The following CERS3 variants were observed in gnomAD, a reference collection of about 807,000 sequenced individuals.
CERS3 encodes ceramide synthase 3, also known as LAG1 homolog, ceramide synthase 3.
A neutral mutation model predicts 50.3 loss-of-function variants in CERS3; 33 were observed. That is an observed-to-expected ratio of 0.66 (90% CI 0.50 to 0.88). The LOEUF is 0.88. CERS3 is among the 40% of genes least tolerant of loss of function. The probability of loss-of-function intolerance (pLI) is 0.00; values close to 1 mark genes in which losing one functional copy is unlikely to be tolerated. For synonymous variants in CERS3, 176 were observed against 155.2 expected (o/e 1.13, Z -0.99); for missense variants, 470 against 460.3 (o/e 1.02, Z -0.19).
intron 1 of CERS3, among the ~76,000 whole-genome samples, chr15:100,535,425 T>G (rs1011463288): frequency 6.6e-6 from 1 of 152,200 alleles, no homozygotes; most frequent in Non-Finnish European, 1.5e-5. Flanking sequence ...ATGTCAAGAA[T>G]AAAAATATAG....
chr15:100,483,629 G>C (rs977435982), intron 5 of CERS3, among the ~76,000 whole-genome samples: 1 of 151,832 alleles, frequency 6.6e-6, no homozygotes, highest in Non-Finnish European at 1.5e-5. Context: ...TATCGGAATA[G>C]GAGTCAGAAG....
chr15:100,516,462 G>A (rs773093016), intron 2 of CERS3, among the ~76,000 whole-genome samples: 10 of 152,178 alleles, frequency 6.6e-5, no homozygotes, highest in East Asian at 1.9e-4. Context: ...AAGACCTGTC[G>A]TGGGACTAAG....
intron 11 of CERS3, among the ~76,000 whole-genome samples, chr15:100,431,515 C>G (rs2033131139): frequency 1.3e-5 from 2 of 151,922 alleles, no homozygotes; most frequent in African/African-American, 4.8e-5. Context: ...GTAATATTTT[C>G]AAGATGGGAA....
At chr15:100,508,930 AT>A (rs760715981) in intron 2 of CERS3, among the ~76,000 whole-genome samples, 21 of 152,322 alleles carry the variant, frequency 1.4e-4, no homozygotes, top group African/African-American at 2.4e-4. Flanking sequence ...ACATAAAAAA[AT>A]CTGAGGCTAT....
At chr15:100,403,654 C>G (rs1396442837) in intron 11 of CERS3, among the ~76,000 whole-genome samples, 1 of 152,122 alleles carries the variant, frequency 6.6e-6, no homozygotes, top group Non-Finnish European at 1.5e-5. Context: ...TAAAATGGAC[C>G]AATTTCTCAA....
intron 1 of CERS3, among the ~76,000 whole-genome samples, chr15:100,524,514 G>C (rs527350287): frequency 1.2e-4 from 18 of 152,284 alleles, no homozygotes; most frequent in African/African-American, 3.6e-4. Flanking sequence ...ACAGCTAATG[G>C]GATAGGAATA....
chr15:100,503,044 T>C (rs1457370783), intron 2 of CERS3, among the ~76,000 whole-genome samples: 1 of 152,200 alleles, frequency 6.6e-6, no homozygotes, highest in Non-Finnish European at 1.5e-5. Flanking sequence ...AATTAGATGT[T>C]TTAATATCAT....
intron 1 of CERS3, among the ~76,000 whole-genome samples, chr15:100,522,793 CTTGAACAT>C (rs2036675516): frequency 6.6e-6 from 1 of 152,172 alleles, no homozygotes; most frequent in African/African-American, 2.4e-5. Flanking sequence ...CTTGAACATT[CTTGAACAT>C]GCTTTAGGTA....
chr15:100,466,812 C>T (rs12904899), intron 10 of CERS3, among the ~76,000 whole-genome samples: 4,758 of 15,960 alleles, frequency 0.3, 938 homozygotes, highest in East Asian at 0.47. Flanking sequence ...TCCCTCCCTC[C>T]CTCCCTCTCT....
At chr15:100,409,015 A>C (rs1029705180) in intron 11 of CERS3, among the ~76,000 whole-genome samples, 6 of 152,214 alleles carry the variant, frequency 3.9e-5, no homozygotes, top group Admixed American at 1.3e-4. Context: ...CTTGAACAGC[A>C]ATGCTCTACA....
chr15:100,533,538 T>A (rs2036993623), upstream of CERS3, among the ~76,000 whole-genome samples: 1 of 150,194 alleles, frequency 6.7e-6, no homozygotes, highest in African/African-American at 2.5e-5. Flanking sequence ...CGTTCCTTCT[T>A]TCCTTCCTTC....
chr15:100,467,793 A>ATG (rs2034804357), intron 10 of CERS3, among the ~76,000 whole-genome samples: 1 of 111,962 alleles, frequency 8.9e-6, no homozygotes, highest in Non-Finnish European at 2.0e-5. Context: ...ACACATATAT[A>ATG]TGTATATATA....
intron 5 of CERS3, among the ~76,000 whole-genome samples, chr15:100,481,552 C>A (rs186483552): frequency 6.6e-6 from 1 of 152,240 alleles, no homozygotes; most frequent in Non-Finnish European, 1.5e-5. Flanking sequence ...GTGTTTATTT[C>A]CCAAGCATCT....
intron 1 of CERS3, among the ~76,000 whole-genome samples, chr15:100,526,478 C>CTGTGTGTGTGTGTGTGTGTGTG (rs1217852084): frequency 0.035 from 4,602 of 131,420 alleles, 137 homozygotes; most frequent in Non-Finnish European, 0.042. Flanking sequence ...CCTACATAAA[C>CTGTGTGTGTGTGTGTGTGTGTG]TGTGTGTGTG....
chr15:100,416,487 G>A (rs1029829383), intron 11 of CERS3, among the ~76,000 whole-genome samples: 1 of 152,158 alleles, frequency 6.6e-6, no homozygotes, highest in Non-Finnish European at 1.5e-5. Flanking sequence ...CTGCTATAAC[G>A]ATACTACCCA....
At chr15:100,531,106 C>CA (rs926299199), upstream of CERS3, among the ~76,000 whole-genome samples, 30 of 152,038 alleles carry the variant, frequency 2.0e-4, no homozygotes, top group Admixed American at 5.2e-4. Context: ...AAACAAAAAA[C>CA]AAAAAAACCA....
At chr15:100,490,139 T>C (rs1172290404) in intron 4 of CERS3, among the ~76,000 whole-genome samples, 2 of 152,216 alleles carry the variant, frequency 1.3e-5, no homozygotes, top group Non-Finnish European at 2.9e-5. Flanking sequence ...TGTGGAAATA[T>C]AACAAAACTG....
At chr15:100,465,401 C>T (rs2034679524) in intron 10 of CERS3, among the ~76,000 whole-genome samples, 1 of 152,134 alleles carries the variant, frequency 6.6e-6, no homozygotes, top group African/African-American at 2.4e-5. Context: ...ACTAAATCTT[C>T]CCCTTTGACT....
intron 11 of CERS3, among the ~76,000 whole-genome samples, chr15:100,429,459 G>C (rs1014028647): frequency 6.6e-6 from 1 of 152,112 alleles, no homozygotes; most frequent in African/African-American, 2.4e-5. Flanking sequence ...GATGGTGATA[G>C]GCTCTTTACA....
Sources: gnomAD v4.1 joint callset for allele counts (sites outside exome capture counted in the v4.1 genomes callset) on GRCh38, gnomAD v4.1.1 for gene constraint, MANE v1.5 for transcripts, NCBI Gene and HGNC (gene_info 2026-07-23, HGNC 2026-07-21) for gene names.